ZFHX2: variants seen among roughly 807,000 people sequenced by gnomAD.
The protein encoded by ZFHX2 is zinc finger homeobox 2, also known as zinc finger homeobox protein 2.
ZFHX2 carries 75 observed loss-of-function variants against 164.8 expected under a neutral mutation model. The ratio of observed to expected loss-of-function variants is 0.46; its 90% confidence interval spans 0.38 to 0.55. The LOEUF is 0.55. Among genes scored for constraint, ZFHX2 ranks in the 20% least tolerant of loss-of-function variants. The pLI, the probability that ZFHX2 is intolerant of heterozygous loss-of-function variation, is 0.00. For synonymous variants in ZFHX2, 1,217 were observed against 1,351.4 expected, an observed-to-expected ratio of 0.90 and a Z score of 2.18; for missense variants, 2,933 against 3,308.0, an observed-to-expected ratio of 0.89 and a Z score of 2.78.
upstream of ZFHX2, among the ~76,000 whole-genome samples, chr14:23,553,988 C>T (rs918685771): frequency 1.8e-4 from 26 of 142,934 alleles, no homozygotes; most frequent in African/African-American, 6.6e-4. Context: ...CATTTGAACC[C>T]AGGAGGCAGA....
At position 23,524,931 on chromosome 14, in the gene ZFHX2, C is replaced by A; in HGVS notation, c.5011G>T (p.Gly1671Cys). Residue 1671 changes from glycine to cysteine, a missense_variant, in exon 9 of 10, where the codon GGC becomes TGC. By Grantham distance (159) the Gly-to-Cys change is radical (BLOSUM62 -3). Transcript: ENST00000419474. The surrounding 1 kb of genome is among the most constrained non-coding windows in gnomAD (Gnocchi z 5.6). ...PTGGGTGGAS[G>C]CRRCHATFSC... Reference sequence around the variant, plus strand: ...AAAGTGGCGTGGCAACGCCTGCAGCCGGAGGCTCCCCCAGTGCCTCCTCCG... The same window carrying A: ...AAAGTGGCGTGGCAACGCCTGCAGCAGGAGGCTCCCCCAGTGCCTCCTCCG... 6.5e-7 allele frequency: 1 copy of A among 1,536,278 alleles called. No homozygotes were observed. Among genetic ancestry groups the A allele is most frequent in the African/African-American group, 1.4e-5 (1 of 73,166 alleles).
chr14:23,532,543 T>C, intron 3 of ZFHX2, 24 bp downstream of exon 3: 2 of 1,430,366 alleles, frequency 1.4e-6, no homozygotes, highest in African/African-American at 1.4e-5. Context: ...CCTCTTCCGA[T>C]GGCCCTTCCT....
At position 23,523,516 on chromosome 14, in the gene ZFHX2, T is replaced by C. The variant is rs902437302; in HGVS notation, c.6426A>G (p.Ala2142=). The C allele has an allele frequency of 3.9e-6, 6 of 1,536,300 alleles. No homozygotes were observed. Among genetic ancestry groups the C allele is most frequent in the Non-Finnish European group, 5.2e-6 (6 of 1,146,900 alleles). ...AATAGGGGCAGTCAGTGCGCTGGGC[T>C]GCTAAGAGGCCCTCACTGCTGCCCC... The part of the protein sequence containing the change: ...STGGSSEGLL[A]AQRTDCPYCD... The change falls in exon 9 of 10, where the codon GCA becomes GCG. Residue 2142 remains alanine, a synonymous_variant. Transcript: ENST00000419474. The surrounding 1 kb of genome is among the most constrained non-coding windows in gnomAD (Gnocchi z 4.1).
upstream of ZFHX2, among the ~76,000 whole-genome samples, chr14:23,554,731 C>T (rs933496395): frequency 6.6e-6 from 1 of 151,970 alleles, no homozygotes; most frequent in Non-Finnish European, 1.5e-5. Context: ...CCTATAATAC[C>T]TCTCACTGGT....
chr14:23,531,870 T>G, intron 3 of ZFHX2, 149 bp from the exon 4 acceptor site: 1 of 1,061,728 alleles, frequency 9.4e-7, no homozygotes, highest in Non-Finnish European at 1.2e-6. Flanking sequence ...CTCTACCTCC[T>G]GGGTTCAGTG....
Position 23,525,258 on chromosome 14 carries a change from T to TC in ZFHX2, c.4683dup (p.Thr1562AspfsTer5). On this transcript the variant is annotated frameshift_variant, in exon 9 of 10. Transcript: ENST00000419474. LOFTEE classifies it high-confidence loss of function. This position sits in a 1 kb window ranked among gnomAD's most constrained non-coding sequence, Gnocchi z 5.9. The stretch of plus-strand genomic sequence containing the variant: ...CGACTTCGCTCTTCAGGGGCACGGG[T>TC]CCCCCCTGCCTCAGGCTCTGGGACC... 1 of 1,535,742 alleles carries TC rather than the reference T, an allele frequency of 6.5e-7. No individual in the cohort carries two copies. Among genetic ancestry groups the TC allele is most frequent in the Non-Finnish European group, 8.7e-7 (1 of 1,146,810 alleles).
rs951332213 is a variant in ZFHX2, at chr14:23,548,215, G to C, written c.-50+3128C>G. ...CCTCTTCCGTCTCTGCCTGCCTTTTGATCCAACCATCCTGACCTCAATGCC... is the reference window on the plus strand; with the variant it reads ...CCTCTTCCGTCTCTGCCTGCCTTTTCATCCAACCATCCTGACCTCAATGCC... On this transcript the variant is annotated intron_variant, in intron 1 of 9. Transcript: ENST00000419474. 2.0e-5 allele frequency among the ~76,000 whole-genome samples: 3 copies of C among 152,062 alleles called. No individual in the cohort carries two copies. In the South Asian group the frequency reaches 6.2e-4, roughly 32 times the overall value.
intron 1 of ZFHX2, among the ~76,000 whole-genome samples, chr14:23,549,420 T>C (rs1392188676): frequency 6.6e-6 from 1 of 152,148 alleles, no homozygotes; most frequent in Non-Finnish European, 1.5e-5. Context: ...GGAAAAACAA[T>C]GATGGGCTAA....
At chr14:23,531,771 C>T (rs1036985472) in intron 3 of ZFHX2, 50 bp from the exon 4 acceptor site, 4 of 1,275,832 alleles carry the variant, frequency 3.1e-6, no homozygotes, top group Non-Finnish European at 4.0e-6. Context: ...ACATGCCAGA[C>T]CTCAGGGGAC....
chr14:23,548,168 T>C (rs1318169388), intron 1 of ZFHX2, among the ~76,000 whole-genome samples: 1 of 152,202 alleles, frequency 6.6e-6, no homozygotes, highest in East Asian at 1.9e-4. Flanking sequence ...TTTCACATTC[T>C]GTAACTGCCA....
At chr14:23,552,148 A>C (rs3759619), upstream of ZFHX2, among the ~76,000 whole-genome samples, 1 of 151,618 alleles carries the variant, frequency 6.6e-6, no homozygotes, top group East Asian at 1.9e-4. Flanking sequence ...GGGTACTAGA[A>C]CCTTCTCTAC....
Position 23,533,748 on chromosome 14 carries a change from A to G in ZFHX2, c.1578T>C (p.His526=). The change falls in exon 2 of 10, where the codon CAT becomes CAC. Residue 526 remains histidine (H), a synonymous_variant. Coordinates refer to ENST00000419474, the MANE Select transcript of ZFHX2 (RefSeq NM_033400.3). The surrounding 1 kb of genome is among the most constrained non-coding windows in gnomAD (Gnocchi z 4.8). ...TGGCCAGGTGCTTGTCAGACTGCAT[A>G]TGGATGCTGAGGTTGCCTTTGGTGG... The part of the protein sequence containing the change: ...STTTKGNLSI[H]MQSDKHLANL... 2 of 1,556,426 alleles carry G rather than the reference A, an allele frequency of 1.3e-6. No homozygotes were observed. The highest frequency in any genetic ancestry group is 1.7e-6 in the Non-Finnish European group (2 of 1,157,750).
chr14:23,554,847 G>A (rs118095457), upstream of ZFHX2, among the ~76,000 whole-genome samples: 1,531 of 152,220 alleles, frequency 0.01, 16 homozygotes, highest in Non-Finnish European at 0.016. Context: ...GGTTCCTCAG[G>A]GAGCTTCCTC....
upstream of ZFHX2, among the ~76,000 whole-genome samples, chr14:23,554,868 T>C (rs1165887715): frequency 6.6e-6 from 1 of 152,142 alleles, no homozygotes; most frequent in African/African-American, 2.4e-5. Context: ...ACATGGAAGG[T>C]CAGACATATA....
intron 6 of ZFHX2, chr14:23,529,361 A>G: frequency 3.6e-6 from 1 of 275,276 alleles, no homozygotes; most frequent in Non-Finnish European, 7.0e-6. Context: ...TAACTAAGGG[A>G]TAAAGAGCTG....
chr14:23,544,776 G>A (rs1352214229), intron 1 of ZFHX2, among the ~76,000 whole-genome samples: 5 of 152,120 alleles, frequency 3.3e-5, no homozygotes, highest in Non-Finnish European at 5.9e-5. Context: ...ATGAGGCCCC[G>A]CCCACTGGCC....
Position 23,525,043 on chromosome 14 carries a change from A to C in ZFHX2, c.4899T>G (p.Gly1633=), listed in dbSNP as rs1305557427. ...ACACCACCACCACACGGCTAGCCAGACCCAACAGACTTGCGAGTCGCTCCA... is the reference window on the plus strand; with the variant it reads ...ACACCACCACCACACGGCTAGCCAGCCCCAACAGACTTGCGAGTCGCTCCA... ...GEVERLASLL[G]LASRVVVVWF... Residue 1633 remains glycine (G), a synonymous_variant, in exon 9 of 10, where the codon GGT becomes GGG. Coordinates refer to ENST00000419474, the MANE Select transcript of ZFHX2 (RefSeq NM_033400.3). This position sits in a 1 kb window ranked among gnomAD's most constrained non-coding sequence, Gnocchi z 5.9. 1 of 1,536,058 alleles carries C rather than the reference A, an allele frequency of 6.5e-7. No individual in the cohort carries two copies. Among genetic ancestry groups the C allele is most frequent in the Non-Finnish European group, 8.7e-7 (1 of 1,146,876 alleles).
At position 23,526,480 on chromosome 14, in the gene ZFHX2, A is replaced by C. The variant is rs1160994971; in HGVS notation, c.3462T>G (p.Thr1154=). 13 of 1,535,970 alleles carry C rather than the reference A, an allele frequency of 8.5e-6. No individual in the cohort carries two copies. The highest frequency in any genetic ancestry group is 7.0e-6 in the Non-Finnish European group (8 of 1,146,890). The change falls in exon 9 of 10, where the codon ACT becomes ACG. Residue 1154 remains threonine, a synonymous_variant. Coordinates refer to ENST00000419474, the MANE Select transcript of ZFHX2 (RefSeq NM_033400.3). ...PTMAEEEEGT[T]GELRSAEPAP... The stretch of plus-strand genomic sequence containing the variant: ...CTGGCTCTGCAGAGCGGAGCTCCCC[A>C]GTGGTCCCCTCTTCCTCCTCAGCCA...
In ZFHX2 at chr14:23,534,942, C is replaced by T; in HGVS notation, c.384G>A (p.Leu128=). The change falls in exon 2 of 10, where the codon CTG becomes CTA. Residue 128 remains leucine (L), a synonymous_variant. Transcript: ENST00000419474. This position sits in a 1 kb window ranked among gnomAD's most constrained non-coding sequence, Gnocchi z 4.5. The part of the protein sequence containing the change: ...AGGEAYLVAK[L]SLPGGSELLL... ...GGAGTTCACTGCCACCTGGCAGGGA[C>T]AGCTTGGCCACTAGGTAGGCCTCAC... The T allele has an allele frequency of 6.5e-7, 1 of 1,536,180 alleles. No homozygotes were observed. Among genetic ancestry groups the T allele is most frequent in the Non-Finnish European group, 8.7e-7 (1 of 1,146,918 alleles).
Sources: gnomAD v4.1 joint callset for allele counts (sites outside exome capture counted in the v4.1 genomes callset) on GRCh38, gnomAD v4.1.1 for gene constraint, Gnocchi (gnomAD v3.1) non-coding constraint, MANE v1.5 for transcripts, NCBI Gene and HGNC (gene_info 2026-07-23, HGNC 2026-07-21) for gene names.